The following ERC2 variants were observed in gnomAD, a reference collection of about 807,000 sequenced individuals.
ERC2 encodes the protein ELKS/RAB6-interacting/CAST family member 2.
Under a neutral mutation model 114.8 loss-of-function variants are expected in ERC2, and 42 were observed. The observed-to-expected ratio is 0.37, with a 90% CI of 0.29 to 0.47. ERC2 has a LOEUF of 0.47. ERC2 is among the 20% of genes least tolerant of loss of function. ERC2 has a pLI of 0.99. For synonymous variants in ERC2, 454 were observed against 425.5 expected (o/e 1.07, Z -0.82); for missense variants, 939 against 1,150.7 (o/e 0.82, Z 2.66).
At chr3:56,014,040 C>T (rs747895258) in intron 8 of ERC2, among the ~76,000 whole-genome samples, 4 of 152,002 alleles carry the variant, frequency 2.6e-5, no homozygotes, top group African/African-American at 7.2e-5. Context: ...ATTTTGGCAC[C>T]TTTAAAAAAT....
chr3:55,603,352 GC>G (rs1241333283), intron 17 of ERC2, among the ~76,000 whole-genome samples: 1 of 152,200 alleles, frequency 6.6e-6, no homozygotes, highest in Non-Finnish European at 1.5e-5. Flanking sequence ...AGAAGCCGCA[GC>G]CGGGTGCGGT....
At chr3:56,176,247 T>C (rs1228011870) in intron 3 of ERC2, among the ~76,000 whole-genome samples, 1 of 152,122 alleles carries the variant, frequency 6.6e-6, no homozygotes, top group African/African-American at 2.4e-5. Context: ...CAATCCTAGT[T>C]CCAGAATAAA....
At chr3:55,549,886 TTC>T (rs142695265) in intron 17 of ERC2, among the ~76,000 whole-genome samples, 74 of 146,732 alleles carry the variant, frequency 5.0e-4, no homozygotes, top group Admixed American at 6.8e-4. Context: ...ACCACCTCCT[TTC>T]TCTCTCTCTC....
Position 55,510,192 on chromosome 3 carries a change from G to T in ERC2, c.*1124C>A, listed in dbSNP as rs982800192. 4.6e-5 allele frequency: 7 copies of T among 150,922 alleles called. No individual in the cohort carries two copies. Among genetic ancestry groups the T allele is most frequent in the African/African-American group, 1.7e-4 (7 of 40,804 alleles). The allele number at this position is 150,922 out of a possible 1,614,324, so 9.3% of individuals were successfully genotyped here. A position where few individuals can be genotyped will look rare whatever the true frequency, so the allele number is the denominator to read the frequency against. ...ATACAGAGACACAGCTTTTGTGATT[G>T]TTCCTCATTCATCAATGTTTTCATG... On this transcript the variant is annotated 3_prime_UTR_variant, in exon 18 of 18. Transcript: ENST00000288221.
chr3:55,612,003 C>G (rs964454167), intron 17 of ERC2, among the ~76,000 whole-genome samples: 1 of 152,172 alleles, frequency 6.6e-6, no homozygotes, highest in African/African-American at 2.4e-5. Flanking sequence ...GAATGAAGTT[C>G]TCAGGGTACA....
At chr3:56,434,277 G>T in intron 2 of ERC2, 74 bp downstream of exon 2, 2 of 1,408,926 alleles carry the variant, frequency 1.4e-6, no homozygotes, top group Non-Finnish European at 2.0e-6. Flanking sequence ...CACAGGTCGT[G>T]GTACCATCTG....
At chr3:56,283,404 G>A (rs1356648119) in intron 3 of ERC2, among the ~76,000 whole-genome samples, 1 of 152,160 alleles carries the variant, frequency 6.6e-6, no homozygotes, top group East Asian at 1.9e-4. Context: ...GCCAAGGCAG[G>A]AGGATCACTT....
intron 3 of ERC2, among the ~76,000 whole-genome samples, chr3:56,182,144 C>T (rs1327934157): frequency 6.6e-6 from 1 of 152,232 alleles, no homozygotes; most frequent in Non-Finnish European, 1.5e-5. Flanking sequence ...ACCCTCTAGA[C>T]TAGTCTAACA....
intron 3 of ERC2, among the ~76,000 whole-genome samples, chr3:56,280,861 C>A (rs879366377): frequency 6.6e-6 from 1 of 152,128 alleles, no homozygotes; most frequent in Non-Finnish European, 1.5e-5. Context: ...GAGGAAGTTA[C>A]AAATTCTCTG....
intron 2 of ERC2, among the ~76,000 whole-genome samples, chr3:56,376,294 C>T (rs1295629851): frequency 6.6e-6 from 1 of 152,080 alleles, no homozygotes; most frequent in Non-Finnish European, 1.5e-5. Flanking sequence ...TCAGACTTAC[C>T]CTGTTTCTCA....
intron 17 of ERC2, among the ~76,000 whole-genome samples, chr3:55,643,567 C>G (rs709335): frequency 0.14 from 21,487 of 152,160 alleles, 1,933 homozygotes; most frequent in Non-Finnish European, 0.19. Flanking sequence ...TCACTTTCCT[C>G]GTCTGTAAGA....
At position 56,148,963 on chromosome 3, in the gene ERC2, A is replaced by G. The variant is rs774654203; in HGVS notation, c.1305+14T>C. On this transcript the variant is annotated intron_variant, in intron 5 of 17. Transcript: ENST00000288221. ...CACATTAAGAACATAAAAGTTTATA[A>G]CCCTGGACCGTACCTTGGTCTTCAT... 1.2e-5 allele frequency: 20 copies of G among 1,612,530 alleles called. No individual in the cohort carries two copies. The Middle Eastern group carries it at 1.8e-3, about 147-fold the overall frequency.
At chr3:55,547,467 G>A (rs973160967) in intron 17 of ERC2, among the ~76,000 whole-genome samples, 2 of 152,210 alleles carry the variant, frequency 1.3e-5, no homozygotes, top group African/African-American at 2.4e-5. Context: ...GACGTTTCCG[G>A]TGCGCCTCCA....
At chr3:56,336,912 AC>A in intron 2 of ERC2, among the ~76,000 whole-genome samples, 1 of 152,090 alleles carries the variant, frequency 6.6e-6, no homozygotes, top group Admixed American at 6.5e-5. Flanking sequence ...TAATACCAAA[AC>A]TTAATAAAAA....
At chr3:55,677,396 C>T (rs558070114) in intron 17 of ERC2, among the ~76,000 whole-genome samples, 2 of 152,088 alleles carry the variant, frequency 1.3e-5, no homozygotes, top group Non-Finnish European at 2.9e-5. Context: ...TTTCTTTTGC[C>T]TTTTCTTTTA....
At chr3:55,952,179 ACTCTCTCTCTCTCTCTCTCT>A in intron 12 of ERC2, among the ~76,000 whole-genome samples, 1 of 62,098 alleles carries the variant, frequency 1.6e-5, no homozygotes, top group Admixed American at 1.9e-4. Flanking sequence ...ACACACACAC[ACTCTCTCTCTCTCTCTCTCT>A]ATATATATAT....
In ERC2 at chr3:56,119,079, T is replaced by C. The variant is rs568508753; in HGVS notation, c.1473+20430A>G. Among the ~76,000 whole-genome samples the C allele has an allele frequency of 1.3e-4, 20 of 152,320 alleles. No individual in the cohort carries two copies. In the South Asian group the frequency reaches 3.9e-3, roughly 30 times the overall value. ...AATGCAAAAGAATCTATAGACAATATGTTATGAATGGGCATGGATATGTTC... is the reference window on the plus strand; with the variant it reads ...AATGCAAAAGAATCTATAGACAATACGTTATGAATGGGCATGGATATGTTC... On this transcript the variant is annotated intron_variant, in intron 6 of 17. Coordinates refer to ENST00000288221, the MANE Select transcript of ERC2 (RefSeq NM_015576.3).
At chr3:56,097,860 C>T (rs1374022186) in intron 6 of ERC2, among the ~76,000 whole-genome samples, 3 of 152,094 alleles carry the variant, frequency 2.0e-5, no homozygotes, top group East Asian at 1.9e-4. Flanking sequence ...AGGCATTTAC[C>T]CATTTAAACA....
At chr3:55,750,861 T>C (rs2066657682) in intron 14 of ERC2, among the ~76,000 whole-genome samples, 1 of 152,220 alleles carries the variant, frequency 6.6e-6, no homozygotes, top group South Asian at 2.1e-4. Context: ...ACATTATGTG[T>C]AAGTTGTTTT....
Sources: allele counts gnomAD v4.1 joint callset (sites outside exome capture counted in the v4.1 genomes callset), GRCh38; gene constraint gnomAD v4.1.1; transcripts MANE v1.5; gene names NCBI Gene and HGNC (gene_info 2026-07-23, HGNC 2026-07-21).